The following FHIT variants were observed in gnomAD, a reference collection of about 807,000 sequenced individuals.
FHIT encodes bis(5'-adenosyl)-triphosphatase.
A neutral mutation model predicts 17.9 loss-of-function variants in FHIT; 19 were observed. That is an observed-to-expected ratio of 1.06 (90% CI 0.74 to 1.56). The LOEUF is 1.56. FHIT is among the 40% of genes most tolerant of loss of function. FHIT has a pLI of 0.00. For missense variants in FHIT, 248 were observed against 189.2 expected, an observed-to-expected ratio of 1.31 and a Z score of -1.82; for synonymous variants, 81 against 69.7, an observed-to-expected ratio of 1.16 and a Z score of -0.81.
rs555566288 is a variant in FHIT, at chr3:61,007,553, C to T, written c.-111+34494G>A. Among the ~76,000 whole-genome samples the T allele has an allele frequency of 1.8e-4, 27 of 152,306 alleles. No individual in the cohort carries two copies. The East Asian group carries it at 2.5e-3, about 14-fold the overall frequency. On this transcript the variant is annotated intron_variant, in intron 3 of 9. Transcript: ENST00000492590. ...TTTCATCTGTCTACCAGTTCTTAAT[C>T]TCCTACCAAAGATGGAGTCACAACA...
chr3:60,060,185 TAA>T (rs113982258), intron 5 of FHIT, among the ~76,000 whole-genome samples: 2 of 147,292 alleles, frequency 1.4e-5, no homozygotes, highest in Admixed American at 6.8e-5. Context: ...TAATTGGTGT[TAA>T]AAAAAAAAAC....
At chr3:60,976,980 G>C (rs1710282875) in intron 3 of FHIT, among the ~76,000 whole-genome samples, 2 of 151,952 alleles carry the variant, frequency 1.3e-5, no homozygotes, top group African/African-American at 2.4e-5. Context: ...AGGTTGGAAA[G>C]TAAGCCCTGT....
At chr3:60,740,209 G>A (rs2042214150) in intron 4 of FHIT, among the ~76,000 whole-genome samples, 1 of 152,144 alleles carries the variant, frequency 6.6e-6, no homozygotes, top group Non-Finnish European at 1.5e-5. Flanking sequence ...CAGACTCAAA[G>A]GACAATCTTA....
chr3:60,011,327 AT>A, intron 7 of FHIT, 43 bp downstream of exon 7: 1 of 1,593,994 alleles, frequency 6.3e-7, no homozygotes, highest in Non-Finnish European at 8.6e-7. Context: ...ATTAGTTCTC[AT>A]AATCGCCTCT....
At chr3:61,110,426 C>G (rs2036123642) in intron 2 of FHIT, among the ~76,000 whole-genome samples, 1 of 152,128 alleles carries the variant, frequency 6.6e-6, no homozygotes, top group African/African-American at 2.4e-5. Context: ...CACAAGCCAG[C>G]CCCCACCTCC....
chr3:60,281,549 C>T (rs1436487186), intron 5 of FHIT, among the ~76,000 whole-genome samples: 2 of 150,762 alleles, frequency 1.3e-5, no homozygotes, highest in Non-Finnish European at 2.9e-5. Context: ...AACAACTTGC[C>T]CTGGACAGAG....
chr3:59,988,560 T>G (rs1035063452), intron 7 of FHIT, among the ~76,000 whole-genome samples: 2 of 152,104 alleles, frequency 1.3e-5, no homozygotes, highest in African/African-American at 2.4e-5. Flanking sequence ...TTTTCTGAGT[T>G]CTTTCTGTGT....
chr3:59,993,337 C>G (rs948137383), intron 7 of FHIT, among the ~76,000 whole-genome samples: 3 of 152,042 alleles, frequency 2.0e-5, no homozygotes, highest in African/African-American at 7.2e-5. Flanking sequence ...TCCTACAAAG[C>G]AAGTAATCAA....
intron 5 of FHIT, among the ~76,000 whole-genome samples, chr3:60,278,610 A>G (rs1707284395): frequency 6.6e-6 from 1 of 152,150 alleles, no homozygotes; most frequent in African/African-American, 2.4e-5. Flanking sequence ...AAGCCCAAAG[A>G]CAACAGGGAA....
intron 8 of FHIT, among the ~76,000 whole-genome samples, chr3:59,827,315 C>T (rs897985022): frequency 3.9e-5 from 6 of 152,142 alleles, no homozygotes; most frequent in African/African-American, 1.4e-4. Flanking sequence ...TGGAATAACA[C>T]AGGCCAAGAG....
At chr3:60,699,999 T>G (rs1047555794) in intron 4 of FHIT, among the ~76,000 whole-genome samples, 1 of 151,426 alleles carries the variant, frequency 6.6e-6, no homozygotes, top group East Asian at 2.0e-4. Flanking sequence ...AGGTGTGGGG[T>G]GCATGCCTGT....
chr3:60,803,107 A>C (rs1026467692), intron 4 of FHIT, among the ~76,000 whole-genome samples: 1 of 152,168 alleles, frequency 6.6e-6, no homozygotes, highest in Non-Finnish European at 1.5e-5. Flanking sequence ...ATCCACCTAG[A>C]AAGTGTAAGA....
At chr3:60,930,544 AG>A in intron 3 of FHIT, among the ~76,000 whole-genome samples, 1 of 152,318 alleles carries the variant, frequency 6.6e-6, no homozygotes, top group Non-Finnish European at 1.5e-5. Context: ...CCCATCAAAA[AG>A]TGGGTGAAGG....
chr3:61,088,941 A>T (rs1385301376), intron 2 of FHIT, among the ~76,000 whole-genome samples: 2 of 152,182 alleles, frequency 1.3e-5, no homozygotes, highest in African/African-American at 4.8e-5. Context: ...AGTCATGGAC[A>T]TTGGGGAATA....
At chr3:59,857,104 T>C (rs1355817997) in intron 8 of FHIT, among the ~76,000 whole-genome samples, 1 of 152,214 alleles carries the variant, frequency 6.6e-6, no homozygotes, top group Admixed American at 6.5e-5. Context: ...GACACAGCAC[T>C]TCCTCTGAGG....
At chr3:59,868,396 A>C (rs1702756198) in intron 8 of FHIT, among the ~76,000 whole-genome samples, 2 of 152,234 alleles carry the variant, frequency 1.3e-5, no homozygotes, top group African/African-American at 2.4e-5. Context: ...ATAATGGGGA[A>C]TGTGTAATAC....
intron 4 of FHIT, among the ~76,000 whole-genome samples, chr3:60,773,954 C>T (rs1382905405): frequency 1.3e-5 from 2 of 152,192 alleles, no homozygotes; most frequent in Non-Finnish European, 2.9e-5. Flanking sequence ...AGAATTAAAA[C>T]ATTCCTACTG....
Position 59,992,949 on chromosome 3 carries a change from A to C in FHIT, c.279+18422T>G, listed in dbSNP as rs574340096. On this transcript the variant is annotated intron_variant, in intron 7 of 9. Transcript: ENST00000492590. ...AAACTGATGATATTTTTCTTTAAAC[A>C]ATGGATTTAGTTATTCTACCCGTAA... Among the ~76,000 whole-genome samples the C allele has an allele frequency of 1.1e-4, 17 of 152,236 alleles. No homozygotes were observed. The South Asian group carries it at 3.5e-3, about 32-fold the overall frequency.
intron 5 of FHIT, among the ~76,000 whole-genome samples, chr3:60,303,666 G>A (rs1310884336): frequency 6.6e-6 from 1 of 152,142 alleles, no homozygotes; most frequent in Non-Finnish European, 1.5e-5. Context: ...AGATAAAGGT[G>A]CCATAAGACA....
Sources: allele counts gnomAD v4.1 joint callset (sites outside exome capture counted in the v4.1 genomes callset), GRCh38; gene constraint gnomAD v4.1.1; transcripts MANE v1.5; gene names NCBI Gene and HGNC (gene_info 2026-07-23, HGNC 2026-07-21).